The following SLC39A8 variants were observed in gnomAD, a reference collection of about 807,000 sequenced individuals.
The protein encoded by SLC39A8 is solute carrier family 39 member 8.
Under a neutral mutation model 40.4 loss-of-function variants are expected in SLC39A8, and 15 were observed. The ratio of observed to expected loss-of-function variants is 0.37; its 90% CI spans 0.25 to 0.57. SLC39A8 has a LOEUF of 0.57. Ranked by LOEUF, SLC39A8 falls within the 20% of genes least tolerant of loss-of-function variation. The probability of loss-of-function intolerance (pLI) is 0.75; values close to 1 mark genes in which losing one functional copy is unlikely to be tolerated. For missense variants in SLC39A8, 472 were observed against 558.8 expected (o/e 0.84, Z 1.57); for synonymous variants, 223 against 221.6 (o/e 1.01, Z -0.06).
intron 2 of SLC39A8, among the ~76,000 whole-genome samples, chr4:102,339,981 A>G (rs1735835883): frequency 6.6e-6 from 1 of 152,256 alleles, no homozygotes; most frequent in Admixed American, 6.5e-5. Context: ...GTCTGATTGC[A>G]AAAATTCAAA....
rs75327463 is a variant in SLC39A8 at position 102,294,751 on chromosome 4, C to T, written c.840+9566G>A. Among the ~76,000 whole-genome samples, 49 of 151,522 alleles carry T rather than the reference C, an allele frequency of 3.2e-4. No individual in the cohort carries two copies. In the East Asian group the frequency reaches 9.1e-3, roughly 28 times the overall value. Reference sequence around the variant, plus strand: ...GAATAGTTTTTTCTTTAACACAAATCATTAAGAAAAAAAAACTCAACTAAA... The same window carrying T: ...GAATAGTTTTTTCTTTAACACAAATTATTAAGAAAAAAAAACTCAACTAAA... On this transcript the variant is annotated intron_variant, in intron 6 of 8. Transcript: ENST00000356736.
At chr4:102,326,332 C>A (rs563600234) in intron 2 of SLC39A8, among the ~76,000 whole-genome samples, 5 of 152,268 alleles carry the variant, frequency 3.3e-5, no homozygotes, top group African/African-American at 1.2e-4. Flanking sequence ...GAGGCCGAGG[C>A]GGGCAGATCA....
downstream of SLC39A8, among the ~76,000 whole-genome samples, chr4:102,261,378 T>C (rs1731845819): frequency 6.6e-6 from 1 of 152,152 alleles, no homozygotes; most frequent in South Asian, 2.1e-4. Flanking sequence ...TTTAAAAATT[T>C]AAGCACCTCA....
chr4:102,304,363 G>A lies in SLC39A8; in HGVS notation c.794C>T (p.Ala265Val). ...ATTATCAAAATGGATATGTCCATTAGCTTCTGTGACAGCAGGATTTGCATA... is the reference window on the plus strand; with the variant it reads ...ATTATCAAAATGGATATGTCCATTAACTTCTGTGACAGCAGGATTTGCATA... ...TCYANPAVTE[A>V]NGHIHFDNVS... Residue 265 changes from alanine (A) to valine (V), a missense_variant, in exon 6 of 9, where the codon GCT (alanine) becomes GTT (valine). Coordinates refer to ENST00000356736, the MANE Select transcript of SLC39A8 (RefSeq NM_001135146.2). The A allele has an allele frequency of 6.2e-7, 1 of 1,611,326 alleles. No individual in the cohort carries two copies. The highest frequency in any genetic ancestry group is 1.1e-5 in the South Asian group (1 of 90,960).
Position 102,262,135 on chromosome 4 carries a change from T to G in SLC39A8, c.*909A>C, listed in dbSNP as rs1731892265. On this transcript the variant is annotated 3_prime_UTR_variant, in exon 9 of 9. Coordinates refer to ENST00000356736, the MANE Select transcript of SLC39A8 (RefSeq NM_001135146.2). ...CAGCAGTCCAGCTGTTGTTTTGCAT[T>G]TATTAAAATATTCTCTGCTAAATAG... is the stretch of plus-strand genomic sequence containing the variant. 1.0e-6 allele frequency: 1 copy of G among 985,732 alleles called. No individual in the cohort carries two copies. 61.1% of individuals were successfully genotyped at this position (985,732 alleles called of 1,614,324 possible). A position where few individuals can be genotyped will look rare whatever the true frequency, so the allele number is the denominator to read the frequency against.
intron 2 of SLC39A8, among the ~76,000 whole-genome samples, chr4:102,316,227 A>C (rs1256017584): frequency 6.6e-6 from 1 of 152,162 alleles, no homozygotes; most frequent in African/African-American, 2.4e-5. Context: ...TGTGTGTGTC[A>C]CTGGCATGGC....
chr4:102,334,094 GA>G (rs1486617631), intron 2 of SLC39A8, among the ~76,000 whole-genome samples: 1 of 152,154 alleles, frequency 6.6e-6, no homozygotes, highest in East Asian at 1.9e-4. Context: ...AAAAAAGCCA[GA>G]ACCAATGGTT....
intron 2 of SLC39A8, among the ~76,000 whole-genome samples, chr4:102,341,186 A>C (rs1172513552): frequency 6.6e-6 from 1 of 152,218 alleles, no homozygotes; most frequent in Non-Finnish European, 1.5e-5. Context: ...GAAGAAAAAA[A>C]CTATGTGCAC....
chr4:102,260,141 G>A (rs1292185100), downstream of SLC39A8, among the ~76,000 whole-genome samples: 2 of 152,188 alleles, frequency 1.3e-5, no homozygotes, highest in Non-Finnish European at 1.5e-5. Flanking sequence ...GGATTGATCT[G>A]AAACAAGTCA....
intron 2 of SLC39A8, among the ~76,000 whole-genome samples, chr4:102,329,683 A>T (rs1735364076): frequency 6.6e-6 from 1 of 152,114 alleles, no homozygotes; most frequent in Non-Finnish European, 1.5e-5. Flanking sequence ...AGCTGAGTTA[A>T]TAGACATTTA....
intron 6 of SLC39A8, among the ~76,000 whole-genome samples, chr4:102,292,856 T>C (rs1457608304): frequency 6.6e-6 from 1 of 152,070 alleles, no homozygotes; most frequent in African/African-American, 2.4e-5. Context: ...ACTTTAAAAA[T>C]ATTTCATTTA....
intron 3 of SLC39A8, among the ~76,000 whole-genome samples, chr4:102,314,378 G>C (rs1319525635): frequency 6.6e-6 from 1 of 152,020 alleles, no homozygotes; most frequent in South Asian, 2.1e-4. Flanking sequence ...CAGGTGGAAT[G>C]CCCTTTTAAC....
intron 3 of SLC39A8, among the ~76,000 whole-genome samples, chr4:102,314,264 G>A (rs897653058): frequency 1.3e-5 from 2 of 151,882 alleles, no homozygotes; most frequent in East Asian, 3.9e-4. Context: ...CCCCACTTTA[G>A]TCCAAGTCCC....
At chr4:102,334,761 C>T (rs1037768893) in intron 2 of SLC39A8, among the ~76,000 whole-genome samples, 1 of 152,116 alleles carries the variant, frequency 6.6e-6, no homozygotes, top group Admixed American at 6.5e-5. Context: ...GAAAGTGCAT[C>T]GGTTATAGAA....
intron 6 of SLC39A8, among the ~76,000 whole-genome samples, chr4:102,281,873 A>G (rs970773411): frequency 6.6e-6 from 1 of 152,210 alleles, no homozygotes; most frequent in African/African-American, 2.4e-5. Context: ...TAAGAAAAGA[A>G]GAATCGGGCA....
intron 8 of SLC39A8, among the ~76,000 whole-genome samples, chr4:102,263,476 T>A (rs767738465): frequency 1.3e-4 from 20 of 152,340 alleles, no homozygotes; most frequent in Admixed American, 2.0e-4. Context: ...TAAAAAATGC[T>A]ACCAATCATT....
intron 6 of SLC39A8, among the ~76,000 whole-genome samples, chr4:102,283,280 A>G (rs560300003): frequency 6.6e-6 from 1 of 152,358 alleles, no homozygotes; most frequent in Non-Finnish European, 1.5e-5. Flanking sequence ...CAGCTAGAAA[A>G]TGGGAAAGTC....
Position 102,329,827 on chromosome 4 carries a change from T to G in SLC39A8, c.220-13997A>C, listed in dbSNP as rs542195509. Reference sequence around the variant, plus strand: ...CAAAAGAATGGTAATCATAACAAACTGTCTCTCCCAGCTCAGTGCAATCAA... The same window carrying G: ...CAAAAGAATGGTAATCATAACAAACGGTCTCTCCCAGCTCAGTGCAATCAA... On this transcript the variant is annotated intron_variant, in intron 2 of 8. Coordinates refer to ENST00000356736, the MANE Select transcript of SLC39A8 (RefSeq NM_001135146.2). Among the ~76,000 whole-genome samples the G allele has an allele frequency of 4.6e-5, 7 of 152,216 alleles. No individual in the cohort carries two copies. In the East Asian group the frequency reaches 1.4e-3, roughly 29 times the overall value.
Position 102,344,506 on chromosome 4 carries a change from C to A in SLC39A8, c.157G>T (p.Glu53Ter), listed in dbSNP as rs2149060165. The A allele has an allele frequency of 6.4e-7, 1 of 1,557,528 alleles. No individual in the cohort carries two copies. Among genetic ancestry groups the A allele is most frequent in the East Asian group, 2.4e-5 (1 of 41,222 alleles). The change falls in exon 2 of 9, where the codon GAG becomes TAG. Residue 53 changes from glutamate to a stop codon, truncating the protein, a stop_gained. Transcript: ENST00000356736. LOFTEE classifies it high-confidence loss of function. Reference protein sequence around the residue: ...LSAAQLQHLLEQMGAASRVGV... With the variant: ...LSAAQLQHLL ...ACGCGGGAGGCGGCTCCCATCTGCT[C>A]CAGCAAGTGCTGGAGCTGCGCCGCC...
Sources: allele counts gnomAD v4.1 joint callset (sites outside exome capture counted in the v4.1 genomes callset), GRCh38; gene constraint gnomAD v4.1.1; transcripts MANE v1.5; gene names NCBI Gene and HGNC (gene_info 2026-07-23, HGNC 2026-07-21).